Variants in ICA1L observed in about 807,000 individuals in gnomAD.
The protein encoded by ICA1L is islet cell autoantigen 1-like protein.
Under a neutral mutation model 61.3 loss-of-function variants are expected in ICA1L, and 50 were observed. The ratio of observed to expected loss-of-function variants is 0.82; its 90% confidence interval spans 0.65 to 1.03. The LOEUF is 1.03. Among genes scored for constraint, ICA1L ranks in the 50% least tolerant of loss-of-function variants. The pLI, the probability that ICA1L is intolerant of heterozygous loss-of-function variation, is 0.00. For synonymous variants in ICA1L, 161 were observed against 191.3 expected (o/e 0.84, Z 1.31); for missense variants, 508 against 556.7 (o/e 0.91, Z 0.88).
intron 10 of ICA1L, 123 bp from the exon 11 acceptor site, chr2:202,789,210 A>T: frequency 2.5e-6 from 2 of 784,690 alleles, no homozygotes; most frequent in Non-Finnish European, 2.0e-6. Flanking sequence ...TAAACAAACA[A>T]CTAAAGTGAC....
At chr2:202,825,483 A>G in intron 3 of ICA1L, 1 of 1,280,350 alleles carries the variant, frequency 7.8e-7, no homozygotes, top group African/African-American at 1.6e-5. Context: ...GAAAAAAAAT[A>G]TCAGCAAAAA....
At chr2:202,856,010 T>C (rs910494983) in intron 1 of ICA1L, among the ~76,000 whole-genome samples, 4 of 149,152 alleles carry the variant, frequency 2.7e-5, no homozygotes, top group Admixed American at 1.3e-4. Context: ...GAGGCAGAGG[T>C]TGCAGTGAGC....
At chr2:202,853,561 G>C (rs1172181038) in intron 1 of ICA1L, among the ~76,000 whole-genome samples, 2 of 152,050 alleles carry the variant, frequency 1.3e-5, no homozygotes, top group East Asian at 3.9e-4. Context: ...TACCATCAGA[G>C]TGAACAGGCA....
At chr2:202,839,558 C>CTGTGTGTGTGTGTG (rs57535958) in intron 1 of ICA1L, among the ~76,000 whole-genome samples, 141 of 114,430 alleles carry the variant, frequency 1.2e-3, no homozygotes, top group African/African-American at 3.7e-3. Flanking sequence ...ACAGTTAAGT[C>CTGTGTGTGTGTGTG]TGTGTGTGTG....
chr2:202,814,652 T>C (rs1693479241), intron 8 of ICA1L, 50 bp downstream of exon 8: 2 of 1,145,840 alleles, frequency 1.7e-6, no homozygotes, highest in Admixed American at 1.8e-5. Flanking sequence ...TATCATATGA[T>C]GGTATCCAGG....
At chr2:202,807,889 C>CT (rs1349315353) in intron 9 of ICA1L, among the ~76,000 whole-genome samples, 3 of 152,202 alleles carry the variant, frequency 2.0e-5, no homozygotes, top group Admixed American at 2.0e-4. Context: ...ATGCACTGCC[C>CT]TAAAGGGAAG....
chr2:202,821,977 G>A lies in ICA1L; in HGVS notation c.236-496C>T, dbSNP rs115231724. ...GCAACCCTAAAAACTGTCATCTAGTGCACTGCTATTCAAAGTGTAGGCCAT... is the reference window on the plus strand; with the variant it reads ...GCAACCCTAAAAACTGTCATCTAGTACACTGCTATTCAAAGTGTAGGCCAT... On this transcript the variant is annotated intron_variant, in intron 3 of 12. Transcript: ENST00000358299. Among the ~76,000 whole-genome samples, 536 of 152,248 alleles carry A rather than the reference G, an allele frequency of 3.5e-3. 5 individuals carry two copies. The highest frequency in any genetic ancestry group is 0.012 in the African/African-American group (516 of 41,526).
At chr2:202,811,677 AAAG>A in intron 9 of ICA1L, 66 bp downstream of exon 9, 2 of 1,052,532 alleles carry the variant, frequency 1.9e-6, no homozygotes, top group Middle Eastern at 2.4e-4. Flanking sequence ...AAAAAAAAAA[AAAG>A]GCTGTGATAA....
At chr2:202,865,234 C>G (rs943639787) in intron 1 of ICA1L, among the ~76,000 whole-genome samples, 1 of 151,472 alleles carries the variant, frequency 6.6e-6, no homozygotes, top group Non-Finnish European at 1.5e-5. Flanking sequence ...TCTGGAAGGC[C>G]GAGGCGGGCG....
chr2:202,774,452 A>G lies in ICA1L; in HGVS notation c.*5081T>C. 1 of 555,184 alleles carries G rather than the reference A, an allele frequency of 1.8e-6. No homozygotes were observed. The highest frequency in any genetic ancestry group is 3.2e-5 in the South Asian group (1 of 31,016). 34.4% of individuals were successfully genotyped at this position (555,184 alleles called of 1,614,324 possible). ...CCCGTTCGTCCAGGCCAGCTCAAGA[A>G]ACAACTTTTTCTTTCATGTTTTTTG... On this transcript the variant is annotated 3_prime_UTR_variant, in exon 13 of 13. Transcript: ENST00000358299.
At position 202,774,037 on chromosome 2, in the gene ICA1L, C is replaced by T; in HGVS notation, c.*5496G>A. 1 of 881,084 alleles carries T rather than the reference C, an allele frequency of 1.1e-6. No homozygotes were observed. The highest frequency in any genetic ancestry group is 1.8e-6 in the Non-Finnish European group (1 of 559,074). 54.6% of individuals were successfully genotyped at this position (881,084 alleles called of 1,614,324 possible). On this transcript the variant is annotated 3_prime_UTR_variant, in exon 13 of 13. Coordinates refer to ENST00000358299, the MANE Select transcript of ICA1L (RefSeq NM_001288622.3). ...TTTAAATTATGAACTAGCGCTGCTC[C>T]ACTTCTTGCTTCTTTGATGTGTCAT...
chr2:202,851,717 A>G lies in ICA1L; in HGVS notation c.-8+19902T>C, dbSNP rs147077032. Among the ~76,000 whole-genome samples, 485 of 152,286 alleles carry G rather than the reference A, an allele frequency of 3.2e-3. 4 individuals are homozygous for G. Among genetic ancestry groups the G allele is most frequent in the African/African-American group, 0.011 (467 of 41,556 alleles). ...TGATCGCCATTCTAACTGGTGTCAG[A>G]TGGTATCTCATGGTGGTTTTGATTT... On this transcript the variant is annotated intron_variant, in intron 1 of 12. Coordinates refer to ENST00000358299, the MANE Select transcript of ICA1L (RefSeq NM_001288622.3).
At chr2:202,844,805 C>G (rs1380453749) in intron 1 of ICA1L, among the ~76,000 whole-genome samples, 1 of 152,158 alleles carries the variant, frequency 6.6e-6, no homozygotes, top group African/African-American at 2.4e-5. Context: ...AAAAAATGAT[C>G]ACAAACTTAG....
chr2:202,785,913 C>T lies in ICA1L; in HGVS notation c.1333+5G>A. ...TGATAAAGAATATATAAATAAATAA[C>T]TTACATCTTGTTAATTTCTTTGGAC... On this transcript the variant is annotated splice_donor_5th_base_variant and intron_variant, in intron 12 of 12. Coordinates refer to ENST00000358299, the MANE Select transcript of ICA1L (RefSeq NM_001288622.3). The T allele has an allele frequency of 6.8e-7, 1 of 1,481,050 alleles. No homozygotes were observed. Among genetic ancestry groups the T allele is most frequent in the Non-Finnish European group, 9.4e-7 (1 of 1,068,832 alleles). The allele number at this position is 1,481,050 out of a possible 1,614,324, so 91.7% of individuals were successfully genotyped here. A position where few individuals can be genotyped will look rare whatever the true frequency, so the allele number is the denominator to read the frequency against.
intron 10 of ICA1L, among the ~76,000 whole-genome samples, chr2:202,794,758 T>TA (rs1441102377): frequency 1.3e-5 from 2 of 151,704 alleles, no homozygotes; most frequent in Non-Finnish European, 2.9e-5. Flanking sequence ...ACCAGAAAGA[T>TA]AAAATACATA....
chr2:202,852,409 A>C (rs1694651284), intron 1 of ICA1L, among the ~76,000 whole-genome samples: 1 of 151,936 alleles, frequency 6.6e-6, no homozygotes, highest in African/African-American at 2.4e-5. Flanking sequence ...GGTGGCTTAC[A>C]CCTGTAATCC....
At chr2:202,798,459 T>G (rs559533841) in intron 9 of ICA1L, among the ~76,000 whole-genome samples, 5 of 152,258 alleles carry the variant, frequency 3.3e-5, no homozygotes, top group East Asian at 1.9e-4. Context: ...CAGGCAAGTT[T>G]TGAACTTCTG....
At chr2:202,861,883 C>CAAAAAAA (rs71030996) in intron 1 of ICA1L, among the ~76,000 whole-genome samples, 2 of 40,888 alleles carry the variant, frequency 4.9e-5, no homozygotes, top group African/African-American at 1.1e-4. Context: ...GATTCAGACT[C>CAAAAAAA]AAAAAAAAAA....
chr2:202,858,739 T>C (rs943802118), intron 1 of ICA1L, among the ~76,000 whole-genome samples: 6 of 152,342 alleles, frequency 3.9e-5, no homozygotes, highest in Non-Finnish European at 7.3e-5. Context: ...AAACCTTTCC[T>C]TTGTTTAGAT....
Sources: allele counts gnomAD v4.1 joint callset (sites outside exome capture counted in the v4.1 genomes callset), GRCh38; gene constraint gnomAD v4.1.1; transcripts MANE v1.5; gene names NCBI Gene and HGNC (gene_info 2026-07-23, HGNC 2026-07-21).